UBE2E2: variants seen among roughly 807,000 people sequenced by gnomAD.
The protein encoded by UBE2E2 is ubiquitin conjugating enzyme E2 E2, also known as ubiquitin-conjugating enzyme E2 E2.
UBE2E2 carries 6 observed loss-of-function variants against 24.7 expected under a neutral mutation model. The ratio of observed to expected loss-of-function variants is 0.24; its 90% CI spans 0.13 to 0.48. The LOEUF (loss-of-function observed/expected upper bound fraction) is 0.48, where lower values mean the gene tolerates loss of function less well. Ranked by LOEUF, UBE2E2 falls within the 20% of genes least tolerant of loss-of-function variation. UBE2E2 has a pLI of 0.99. For missense variants in UBE2E2, 169 were observed against 245.0 expected (o/e 0.69, Z 2.07); for synonymous variants, 104 against 83.6 (o/e 1.24, Z -1.33).
chr3:23,315,266 A>G (rs2125282341), intron 3 of UBE2E2, among the ~76,000 whole-genome samples: 1 of 147,318 alleles, frequency 6.8e-6, no homozygotes, highest in African/African-American at 2.5e-5. Flanking sequence ...CTGCTAGGCT[A>G]CCTTTGATGT....
chr3:23,378,405 T>A (rs1696578865), intron 3 of UBE2E2, among the ~76,000 whole-genome samples: 1 of 152,214 alleles, frequency 6.6e-6, no homozygotes, highest in Admixed American at 6.5e-5. Context: ...CTCTAAAGTA[T>A]ACATGTGAAG....
chr3:23,579,655 G>A (rs80062220), intron 5 of UBE2E2, among the ~76,000 whole-genome samples: 4 of 151,214 alleles, frequency 2.6e-5, no homozygotes, highest in African/African-American at 9.7e-5. Context: ...AACTACGATC[G>A]TACCACTGCA....
At chr3:23,305,160 C>T (rs928825687) in intron 3 of UBE2E2, among the ~76,000 whole-genome samples, 3 of 151,970 alleles carry the variant, frequency 2.0e-5, no homozygotes, top group Non-Finnish European at 4.4e-5. Flanking sequence ...TCATTTTTTC[C>T]CATGGGAAAG....
chr3:23,211,723 G>C (rs1479390977), intron 2 of UBE2E2, among the ~76,000 whole-genome samples: 1 of 152,046 alleles, frequency 6.6e-6, no homozygotes, highest in Non-Finnish European at 1.5e-5. Context: ...TAATTTAACA[G>C]CTCAAAGCCT....
At chr3:23,330,004 A>T (rs1237593035) in intron 3 of UBE2E2, among the ~76,000 whole-genome samples, 2 of 152,238 alleles carry the variant, frequency 1.3e-5, no homozygotes, top group African/African-American at 4.8e-5. Flanking sequence ...GTGCATTTAA[A>T]AAAACAGGAA....
chr3:23,571,280 C>CTCTTTTTTTTT lies in UBE2E2; in HGVS notation c.509-18453_509-18452insCTTTTTTTTTT, dbSNP rs1696217145. 4.0e-4 allele frequency among the ~76,000 whole-genome samples: 12 copies of CTCTTTTTTTTT among 29,866 alleles called. 1 individual carries two copies. Among genetic ancestry groups the CTCTTTTTTTTT allele is most frequent in the African/African-American group, 1.1e-3 (11 of 9,702 alleles). The allele number at this position is 29,866 out of a possible 152,430, so 19.6% of individuals were successfully genotyped here. ...AGTCCCCTCACCTGTGTGCTCCTTT[C>CTCTTTTTTTTT]TTTTTTTTTTTTTTTTTTTTTTTTT... On this transcript the variant is annotated intron_variant, in intron 5 of 5. Coordinates refer to ENST00000396703, the MANE Select transcript of UBE2E2 (RefSeq NM_152653.4).
intron 3 of UBE2E2, among the ~76,000 whole-genome samples, chr3:23,364,235 C>G (rs375670395): frequency 4.6e-5 from 7 of 152,104 alleles, no homozygotes; most frequent in South Asian, 4.2e-4. Flanking sequence ...AATGAGCAAA[C>G]CAACCCCAGA....
intron 3 of UBE2E2, among the ~76,000 whole-genome samples, chr3:23,433,123 C>T (rs1458814340): frequency 6.6e-6 from 1 of 151,806 alleles, no homozygotes; most frequent in Non-Finnish European, 1.5e-5. Flanking sequence ...TTTATTCATA[C>T]AGAAAATAAT....
intron 3 of UBE2E2, among the ~76,000 whole-genome samples, chr3:23,421,861 A>C (rs1424405505): frequency 6.6e-6 from 1 of 152,272 alleles, no homozygotes; most frequent in Non-Finnish European, 1.5e-5. Context: ...AGAGATAAGA[A>C]ATTATCTAAT....
intron 3 of UBE2E2, among the ~76,000 whole-genome samples, chr3:23,277,662 C>T (rs5023615): frequency 0.84 from 127,955 of 152,072 alleles, 53,956 homozygotes; most frequent in African/African-American, 0.9. Flanking sequence ...TTAATTCTTC[C>T]ATTAACTGTA....
intron 3 of UBE2E2, among the ~76,000 whole-genome samples, chr3:23,326,327 T>C (rs1003773542): frequency 6.6e-6 from 1 of 152,190 alleles, no homozygotes; most frequent in Non-Finnish European, 1.5e-5. Context: ...TGCCTTGGCC[T>C]CCCAAAGTGC....
intron 3 of UBE2E2, among the ~76,000 whole-genome samples, chr3:23,339,791 TA>T (rs1340548137): frequency 6.6e-6 from 1 of 152,134 alleles, no homozygotes; most frequent in Non-Finnish European, 1.5e-5. Flanking sequence ...GATGTGTCTT[TA>T]AAATATTTTC....
At chr3:23,398,205 C>A (rs1575604834) in intron 3 of UBE2E2, among the ~76,000 whole-genome samples, 1 of 149,912 alleles carries the variant, frequency 6.7e-6, no homozygotes, top group East Asian at 2.0e-4. Context: ...CCCAGCTACT[C>A]AGGAGGGTGA....
rs57334553 is a variant in UBE2E2, at chr3:23,350,712, G to A, written c.227+133400G>A. 6.5e-4 allele frequency among the ~76,000 whole-genome samples: 99 copies of A among 152,276 alleles called. 5 individuals are homozygous for A. In the East Asian group the frequency reaches 0.016, roughly 24 times the overall value. ...AAAAGAATAAAAAGATATGAACAAA[G>A]CCTCCAAGAAATATGGGACTATGTG... On this transcript the variant is annotated intron_variant, in intron 3 of 5. Transcript: ENST00000396703.
intron 3 of UBE2E2, among the ~76,000 whole-genome samples, chr3:23,408,793 A>C (rs984560748): frequency 1.3e-5 from 2 of 152,084 alleles, no homozygotes; most frequent in Non-Finnish European, 1.5e-5. Context: ...TTTTGGGAGT[A>C]TACTTGTTAC....
intron 3 of UBE2E2, among the ~76,000 whole-genome samples, chr3:23,239,885 G>A (rs1697212980): frequency 6.6e-6 from 1 of 152,156 alleles, no homozygotes. Context: ...AAAAGGAGTA[G>A]GAAAGCAGAT....
chr3:23,441,908 C>G (rs536977225), intron 3 of UBE2E2, among the ~76,000 whole-genome samples: 1 of 152,020 alleles, frequency 6.6e-6, no homozygotes, highest in Non-Finnish European at 1.5e-5. Context: ...CACTTATATT[C>G]AAAGACGTTT....
At chr3:23,564,004 A>C (rs1176476029) in intron 5 of UBE2E2, among the ~76,000 whole-genome samples, 2 of 151,110 alleles carry the variant, frequency 1.3e-5, no homozygotes, top group Non-Finnish European at 3.0e-5. Context: ...AAAAGAAAAG[A>C]GAAAGAAGGA....
intron 4 of UBE2E2, among the ~76,000 whole-genome samples, chr3:23,509,472 T>TGG (rs1373693174): frequency 6.6e-6 from 1 of 152,194 alleles, no homozygotes; most frequent in African/African-American, 2.4e-5. Flanking sequence ...TTGTTCAAGC[T>TGG]GGGATACAGT....
Sources: gnomAD v4.1 joint callset for allele counts (sites outside exome capture counted in the v4.1 genomes callset) on GRCh38, gnomAD v4.1.1 for gene constraint, MANE v1.5 for transcripts, NCBI Gene and HGNC (gene_info 2026-07-23, HGNC 2026-07-21) for gene names.